Variants in SAMD5 observed in about 807,000 individuals in gnomAD.
SAMD5 encodes the protein sterile alpha motif domain-containing protein 5.
A neutral mutation model predicts 11.3 loss-of-function variants in SAMD5; 13 were observed. The ratio of observed to expected loss-of-function variants is 1.15; its 90% CI spans 0.75 to 1.83. The LOEUF is 1.83. Ranked by LOEUF, SAMD5 falls within the 40% of genes most tolerant of loss-of-function variation. The pLI is 0.00. For missense variants in SAMD5, 255 were observed against 239.1 expected, an observed-to-expected ratio of 1.07 and a Z score of -0.44; for synonymous variants, 129 against 111.3, an observed-to-expected ratio of 1.16 and a Z score of -1.00.
chr6:147,889,462 G>A, the SAMD5 span, among the ~76,000 whole-genome samples: 1 of 151,992 alleles, frequency 6.6e-6, no homozygotes, highest in African/African-American at 2.4e-5. Flanking sequence ...GTTATTTCTG[G>A]GTCTGTTTTA....
chr6:147,952,672 G>A, the SAMD5 span, among the ~76,000 whole-genome samples: 46,225 of 151,922 alleles, frequency 0.3, 7,804 homozygotes, highest in Middle Eastern at 0.46. Context: ...CACCACACCC[G>A]CGAATTTTTT....
At chr6:147,518,041 G>A (rs1788198919) in intron 1 of SAMD5, among the ~76,000 whole-genome samples, 1 of 152,112 alleles carries the variant, frequency 6.6e-6, no homozygotes, top group Non-Finnish European at 1.5e-5. Context: ...AATTCCCCAT[G>A]TATTTGCAAA....
At chr6:147,586,554 A>C (rs1281455733) in intron 1 of SAMD5, among the ~76,000 whole-genome samples, 5 of 152,186 alleles carry the variant, frequency 3.3e-5, no homozygotes, top group African/African-American at 1.2e-4. Flanking sequence ...CATTTAAACT[A>C]ATCAACGTTA....
chr6:147,536,284 A>G (rs1026753583), intron 1 of SAMD5, among the ~76,000 whole-genome samples: 4 of 152,082 alleles, frequency 2.6e-5, no homozygotes, highest in African/African-American at 9.7e-5. Context: ...CGTCCGGCCA[A>G]GAAAACAGAT....
chr6:147,795,272 G>A, the SAMD5 span, among the ~76,000 whole-genome samples: 1 of 141,256 alleles, frequency 7.1e-6, no homozygotes, highest in African/African-American at 2.7e-5. Flanking sequence ...GTGTCCATGT[G>A]TTCTCATTGT....
chr6:147,812,601 C>T, the SAMD5 span, among the ~76,000 whole-genome samples: 5 of 151,926 alleles, frequency 3.3e-5, no homozygotes, highest in Non-Finnish European at 7.4e-5. Flanking sequence ...AAACCCCTGT[C>T]CAAGCCAAAT....
intron 1 of SAMD5, among the ~76,000 whole-genome samples, chr6:147,543,336 C>T (rs184328363): frequency 6.6e-6 from 1 of 152,190 alleles, no homozygotes; most frequent in Non-Finnish European, 1.5e-5. Flanking sequence ...TTAGATCTCT[C>T]ATTTCTTCCA....
chr6:147,519,723 G>T (rs1788222712), intron 1 of SAMD5, among the ~76,000 whole-genome samples: 1 of 152,108 alleles, frequency 6.6e-6, no homozygotes, highest in African/African-American at 2.4e-5. Context: ...TGTGGGTTGG[G>T]GGCCTCTGAA....
At chr6:147,655,607 G>A (rs981275146) in intron 1 of SAMD5, among the ~76,000 whole-genome samples, 4 of 152,040 alleles carry the variant, frequency 2.6e-5, no homozygotes, top group Admixed American at 1.3e-4. Context: ...TAGGTGGCAC[G>A]ACAAATGCTA....
intron 1 of SAMD5, among the ~76,000 whole-genome samples, chr6:147,727,510 A>G (rs1446682328): frequency 1.3e-5 from 2 of 152,146 alleles, no homozygotes; most frequent in African/African-American, 2.4e-5. Context: ...CGTTTTTTTC[A>G]GGGTTCAGCA....
intron 1 of SAMD5, among the ~76,000 whole-genome samples, chr6:147,719,423 A>G (rs1791515831): frequency 6.6e-6 from 1 of 152,184 alleles, no homozygotes; most frequent in South Asian, 2.1e-4. Context: ...TCTTAGGCTC[A>G]AGAGAAACCA....
chr6:147,708,243 T>A lies in SAMD5; in HGVS notation c.163-29074T>A, dbSNP rs571062106. Among the ~76,000 whole-genome samples, 6 of 152,024 alleles carry A rather than the reference T, an allele frequency of 3.9e-5. No individual in the cohort carries two copies. In the South Asian group the frequency reaches 1.2e-3, roughly 32 times the overall value. The stretch of plus-strand genomic sequence containing the variant: ...AGAAGAGGACATTTAGACACAAACA[T>A]AGACAGAAGGAAGACATCATAAAGA... On this transcript the variant is annotated intron_variant, in intron 1 of 1. Coordinates refer to the SAMD5 transcript ENST00000566741.
At chr6:147,829,697 G>A in the SAMD5 span, among the ~76,000 whole-genome samples, 1 of 152,106 alleles carries the variant, frequency 6.6e-6, no homozygotes, top group Non-Finnish European at 1.5e-5. Context: ...GCTCTTTCCA[G>A]GTGTTCTCCA....
At chr6:147,595,522 CTTTT>C (rs770537446) in intron 1 of SAMD5, among the ~76,000 whole-genome samples, 10 of 106,630 alleles carry the variant, frequency 9.4e-5, no homozygotes, top group African/African-American at 4.3e-4. Context: ...ACTAAACTAC[CTTTT>C]TTTTTTTTTT....
chr6:147,713,626 T>G (rs901921557), intron 1 of SAMD5, among the ~76,000 whole-genome samples: 5 of 152,138 alleles, frequency 3.3e-5, no homozygotes, highest in Admixed American at 6.6e-5. Context: ...TCATAGTGTC[T>G]ATCCAAGAGT....
chr6:147,939,707 G>C, the SAMD5 span, among the ~76,000 whole-genome samples: 1 of 152,126 alleles, frequency 6.6e-6, no homozygotes, highest in Non-Finnish European at 1.5e-5. Flanking sequence ...CCAAGCAATC[G>C]GTAGTTCCAT....
chr6:147,813,867 G>C, the SAMD5 span, among the ~76,000 whole-genome samples: 1 of 152,204 alleles, frequency 6.6e-6, no homozygotes, highest in East Asian at 1.9e-4. Flanking sequence ...AATTGTGAAG[G>C]CTATGGGACT....
chr6:147,509,393 G>A lies in SAMD5; in HGVS notation c.459+6G>A, dbSNP rs751228698. On this transcript the variant is annotated splice_donor_region_variant and intron_variant, in intron 1 of 1. Coordinates refer to ENST00000367474, the MANE Select transcript of SAMD5 (RefSeq NM_001030060.3). ...AGCCCCCGTACTCCCGCAAGGTAAG[G>A]AGGTGCCGTCCGGGCGGCCCGGGGC... The A allele has an allele frequency of 6.6e-6, 10 of 1,523,560 alleles. No individual in the cohort carries two copies. In the South Asian group the frequency reaches 8.7e-5, roughly 13 times the overall value. 94.4% of individuals were successfully genotyped at this position (1,523,560 alleles called of 1,614,324 possible).
intron 1 of SAMD5, among the ~76,000 whole-genome samples, chr6:147,636,878 A>G (rs1195718324): frequency 6.6e-6 from 1 of 152,098 alleles, no homozygotes; most frequent in Non-Finnish European, 1.5e-5. Flanking sequence ...CTGATTTCAA[A>G]TACTTTTCAG....
Sources: gnomAD v4.1 joint callset for allele counts (sites outside exome capture counted in the v4.1 genomes callset) on GRCh38, gnomAD v4.1.1 for gene constraint, MANE v1.5 for transcripts, NCBI Gene and HGNC (gene_info 2026-07-23, HGNC 2026-07-21) for gene names.